Variants in MYO5B observed in about 807,000 individuals in gnomAD.
MYO5B encodes the protein myosin VB.
MYO5B carries 143 observed loss-of-function variants against 229.3 expected under a neutral mutation model. The ratio of observed to expected loss-of-function variants is 0.62; its 90% confidence interval spans 0.54 to 0.72. MYO5B has a LOEUF of 0.72. Among genes scored for constraint, MYO5B ranks in the 30% least tolerant of loss-of-function variants. The probability of loss-of-function intolerance (pLI) is 0.00; values close to 1 mark genes in which losing one functional copy is unlikely to be tolerated. For synonymous variants in MYO5B, 918 were observed against 885.2 expected, an observed-to-expected ratio of 1.04 and a Z score of -0.66; for missense variants, 2,321 against 2,331.0, an observed-to-expected ratio of 1.00 and a Z score of 0.09.
intron 23 of MYO5B, among the ~76,000 whole-genome samples, chr18:49,879,814 T>C (rs1329170095): frequency 1.3e-5 from 2 of 152,182 alleles, no homozygotes; most frequent in African/African-American, 4.8e-5. Context: ...TGGTGGGCAC[T>C]TGAGAGAGGC....
intron 39 of MYO5B, among the ~76,000 whole-genome samples, chr18:49,830,061 T>C (rs747731352): frequency 1.9e-4 from 29 of 151,938 alleles, no homozygotes; most frequent in Admixed American, 8.5e-4. Context: ...AGGGCAATTA[T>C]ACAAGAAAAG....
intron 16 of MYO5B, among the ~76,000 whole-genome samples, chr18:49,932,348 G>T (rs66656534): frequency 0.18 from 27,321 of 152,146 alleles, 2,866 homozygotes; most frequent in African/African-American, 0.29. Flanking sequence ...TCTCCACACA[G>T]CGTGCCTGGA....
intron 4 of MYO5B, among the ~76,000 whole-genome samples, chr18:50,020,639 A>G (rs1362680970): frequency 6.6e-6 from 1 of 152,244 alleles, no homozygotes; most frequent in Non-Finnish European, 1.5e-5. Flanking sequence ...GTCAGAAGAC[A>G]CGCAGCAAGG....
intron 2 of MYO5B, among the ~76,000 whole-genome samples, chr18:50,043,059 T>C (rs891659640): frequency 1.3e-5 from 2 of 151,672 alleles, no homozygotes; most frequent in Non-Finnish European, 2.9e-5. Context: ...AACTACCATT[T>C]GATCTAGCAA....
intron 15 of MYO5B, 71 bp downstream of exon 15, chr18:49,937,174 C>G: frequency 3.2e-6 from 5 of 1,567,374 alleles, no homozygotes; most frequent in Non-Finnish European, 4.4e-6. Flanking sequence ...CACCCTGCCG[C>G]CATCCTTCAT....
At chr18:50,138,651 GAAA>G (rs762274716) in intron 1 of MYO5B, among the ~76,000 whole-genome samples, 21 of 133,958 alleles carry the variant, frequency 1.6e-4, no homozygotes, top group Admixed American at 3.0e-4. Context: ...TCTTGAGTCG[GAAA>G]AAAAAAAAAA....
intron 1 of MYO5B, among the ~76,000 whole-genome samples, chr18:50,127,430 T>A (rs990370754): frequency 1.3e-5 from 2 of 152,322 alleles, no homozygotes; most frequent in East Asian, 3.9e-4. Context: ...ACAGATGCAG[T>A]GCTCTACATT....
chr18:50,003,178 C>T (rs1454628605), intron 4 of MYO5B, among the ~76,000 whole-genome samples: 1 of 152,184 alleles, frequency 6.6e-6, no homozygotes, highest in African/African-American at 2.4e-5. Flanking sequence ...AGAAGTGTCC[C>T]AGCTCACACA....
At chr18:50,023,995 T>C (rs2026304708) in intron 4 of MYO5B, among the ~76,000 whole-genome samples, 1 of 152,170 alleles carries the variant, frequency 6.6e-6, no homozygotes, top group Non-Finnish European at 1.5e-5. Flanking sequence ...AGGGGCTCTA[T>C]AAATATAAGG....
In MYO5B at chr18:49,856,703, C is replaced by A. The variant is rs528046545; in HGVS notation, c.4022+110G>T. 2.3e-5 allele frequency: 21 copies of A among 896,826 alleles called. 1 individual carries two copies. In the South Asian group the frequency reaches 2.6e-4, roughly 11 times the overall value. The allele number at this position is 896,826 out of a possible 1,614,324, so 55.6% of individuals were successfully genotyped here. A position where few individuals can be genotyped will look rare whatever the true frequency, so the allele number is the denominator to read the frequency against. ...CAGGGGCTACCAGCCAGACTGCATG[C>A]CAACTGTTCCCCGTGCTCTCGCACC... On this transcript the variant is annotated intron_variant, in intron 30 of 39. Coordinates refer to ENST00000285039, the MANE Select transcript of MYO5B (RefSeq NM_001080467.3).
intron 17 of MYO5B, among the ~76,000 whole-genome samples, chr18:49,924,394 C>T (rs1031501719): frequency 7.2e-5 from 11 of 152,166 alleles, no homozygotes; most frequent in African/African-American, 2.7e-4. Context: ...GAAACCTAGG[C>T]TCATTGAGAT....
intron 26 of MYO5B, 44 bp from the exon 27 acceptor site, chr18:49,872,276 G>A: frequency 6.3e-7 from 1 of 1,594,544 alleles, no homozygotes. Flanking sequence ...CCTCGAGCAA[G>A]ATATTCCACA....
At position 50,162,500 on chromosome 18, in the gene MYO5B, C is replaced by T. The variant is rs76029866; in HGVS notation, c.27+32267G>A. 4.5e-4 allele frequency among the ~76,000 whole-genome samples: 68 copies of T among 152,274 alleles called. 1 individual carries two copies. Among genetic ancestry groups the T allele is most frequent in the Non-Finnish European group, 7.9e-4 (54 of 68,024 alleles). ...ATAGACAACTCTTTTCTTCAAAGAG[C>T]GTATTTTCCATGAGATTGCCAACGA... is the stretch of plus-strand genomic sequence containing the variant. On this transcript the variant is annotated intron_variant, in intron 1 of 39. Transcript: ENST00000285039.
chr18:49,840,091 G>C (rs928333045), intron 35 of MYO5B: 6 of 152,508 alleles, frequency 3.9e-5, no homozygotes, highest in African/African-American at 1.2e-4. Context: ...CACGGATCTG[G>C]TCATGCTGTG....
Position 50,042,360 on chromosome 18 carries a change from T to C in MYO5B, c.139-2046A>G, listed in dbSNP as rs144357259. 5.9e-3 allele frequency among the ~76,000 whole-genome samples: 897 copies of C among 152,336 alleles called. 8 individuals carry two copies. Among genetic ancestry groups the C allele is most frequent in the African/African-American group, 0.02 (838 of 41,586 alleles). On this transcript the variant is annotated intron_variant, in intron 2 of 39. Coordinates refer to ENST00000285039, the MANE Select transcript of MYO5B (RefSeq NM_001080467.3). ...TAAGAGAATTCCCTTTATTTAAAAC[T>C]GTTTTAAAGGCTAGATGGATGACCG...
In MYO5B at chr18:50,048,638, T is replaced by C. The variant is rs574074403; in HGVS notation, c.138+6630A>G. Among the ~76,000 whole-genome samples the C allele has an allele frequency of 1.6e-4, 24 of 152,266 alleles. No individual in the cohort carries two copies. In the South Asian group the frequency reaches 4.2e-3, roughly 26 times the overall value. ...TGAACTGCAAGGGAGCTACGAACCATGGCGAAGCATGAAGGTATCATCTCT... is the reference window on the plus strand; with the variant it reads ...TGAACTGCAAGGGAGCTACGAACCACGGCGAAGCATGAAGGTATCATCTCT... On this transcript the variant is annotated intron_variant, in intron 2 of 39. Transcript: ENST00000285039.
chr18:50,093,889 T>C (rs1180916388), intron 1 of MYO5B, among the ~76,000 whole-genome samples: 1 of 152,172 alleles, frequency 6.6e-6, no homozygotes, highest in Non-Finnish European at 1.5e-5. Flanking sequence ...ACCCTCTGGT[T>C]CTGGGAATTG....
At position 49,954,329 on chromosome 18, in the gene MYO5B, A is replaced by G. The variant is rs1439537280; in HGVS notation, c.1652T>C (p.Val551Ala). ...PRMSNTAFII[V>A]HFADKVEYLS... ...GAGAGCCACCTTGTCTGCAAAGTGG[A>G]CGATGATGAAGGCCGTGTTGGACAT... The change falls in exon 13 of 40, where the codon GTC (valine) becomes GCC (alanine). Residue 551 changes from valine to alanine, a missense_variant. Transcript: ENST00000285039. 1 of 1,613,974 alleles carries G rather than the reference A, an allele frequency of 6.2e-7. No individual in the cohort carries two copies. Among genetic ancestry groups the G allele is most frequent in the Admixed American group, 1.7e-5 (1 of 60,008 alleles).
At chr18:50,167,361 C>T (rs1026223063) in intron 1 of MYO5B, among the ~76,000 whole-genome samples, 3 of 152,148 alleles carry the variant, frequency 2.0e-5, no homozygotes, top group Admixed American at 6.5e-5. Flanking sequence ...CTATTACTGA[C>T]CCCAAATAAG....
Sources: gnomAD v4.1 joint callset for allele counts (sites outside exome capture counted in the v4.1 genomes callset) on GRCh38, gnomAD v4.1.1 for gene constraint, MANE v1.5 for transcripts, NCBI Gene and HGNC (gene_info 2026-07-23, HGNC 2026-07-21) for gene names.